Variants in C3orf20 observed in about 807,000 individuals in gnomAD.
C3orf20 encodes the protein family with sequence similarity 149 member C, also known as uncharacterized protein C3orf20.
C3orf20 carries 76 observed loss-of-function variants against 88.3 expected under a neutral mutation model. That is an observed-to-expected ratio of 0.86 (90% CI 0.72 to 1.04). The LOEUF is 1.04. Among genes scored for constraint, C3orf20 ranks in the 50% least tolerant of loss-of-function variants. The pLI, the probability that C3orf20 is intolerant of heterozygous loss-of-function variation, is 0.00. For missense variants in C3orf20, 1,056 were observed against 1,123.3 expected (o/e 0.94, Z 0.86); for synonymous variants, 436 against 437.4 (o/e 1.00, Z 0.04).
intron 15 of C3orf20, chr3:14,766,876 TG>T (rs2035725305): frequency 6.6e-6 from 1 of 151,976 alleles, no homozygotes; most frequent in African/African-American, 2.4e-5. Flanking sequence ...GTCCCCTTCC[TG>T]AGTGTGGCCA....
chr3:14,721,191 T>C (rs1337326817), intron 9 of C3orf20, among the ~76,000 whole-genome samples: 1 of 152,186 alleles, frequency 6.6e-6, no homozygotes, highest in Non-Finnish European at 1.5e-5. Context: ...TTCCCACCCA[T>C]CTGCAGAGGG....
chr3:14,728,811 G>A (rs1016587301), intron 12 of C3orf20, 123 bp downstream of exon 12: 2 of 877,706 alleles, frequency 2.3e-6, no homozygotes, highest in East Asian at 5.3e-5. Context: ...GGCAAGTAAA[G>A]TGAGGAGATA....
In C3orf20 at chr3:14,713,812, A is replaced by C. The variant is rs180936801; in HGVS notation, c.1161-195A>C. ...GTGGTTGTGAGAAAATAGAAGATAC[A>C]GAAAAGCAGCTAGGTCATCGTTGGG... On this transcript the variant is annotated intron_variant, in intron 7 of 16. Coordinates refer to ENST00000253697, the MANE Select transcript of C3orf20 (RefSeq NM_032137.5). 2.0e-5 allele frequency among the ~76,000 whole-genome samples: 3 copies of C among 152,362 alleles called. No homozygotes were observed. The East Asian group carries it at 5.8e-4, about 29-fold the overall frequency.
chr3:14,714,318 G>C (rs1291636270), intron 8 of C3orf20, among the ~76,000 whole-genome samples, 159 bp downstream of exon 8: 1 of 152,044 alleles, frequency 6.6e-6, no homozygotes, highest in East Asian at 1.9e-4. Context: ...GTTTCTGCAG[G>C]GACATAGGAA....
chr3:14,716,658 C>T (rs542187797), intron 9 of C3orf20, among the ~76,000 whole-genome samples: 2 of 152,310 alleles, frequency 1.3e-5, no homozygotes, highest in African/African-American at 4.8e-5. Context: ...CCTTCAAAGC[C>T]CTGCCCAGAC....
intron 12 of C3orf20, among the ~76,000 whole-genome samples, chr3:14,732,051 A>C (rs1306065874): frequency 1.3e-5 from 2 of 152,236 alleles, no homozygotes; most frequent in African/African-American, 4.8e-5. Context: ...TGCATGTTTG[A>C]CTTTGTAAGA....
chr3:14,712,495 A>C (rs2033790802), intron 7 of C3orf20, among the ~76,000 whole-genome samples: 1 of 152,176 alleles, frequency 6.6e-6, no homozygotes, highest in Non-Finnish European at 1.5e-5. Context: ...CAGTTAACAC[A>C]CTAGTTTGAA....
chr3:14,728,815 G>A, intron 12 of C3orf20, 127 bp downstream of exon 12: 3 of 816,924 alleles, frequency 3.7e-6, no homozygotes, highest in Middle Eastern at 3.7e-4. Flanking sequence ...AGTAAAGTGA[G>A]GAGATAAACA....
intron 15 of C3orf20, among the ~76,000 whole-genome samples, chr3:14,771,775 T>C (rs1487745505): frequency 2.0e-5 from 3 of 152,216 alleles, no homozygotes; most frequent in Non-Finnish European, 4.4e-5. Context: ...TCATCTCTCC[T>C]GTGGTCACTT....
intron 12 of C3orf20, among the ~76,000 whole-genome samples, chr3:14,732,528 A>G (rs1256903091): frequency 2.0e-5 from 3 of 152,218 alleles, no homozygotes; most frequent in Non-Finnish European, 4.4e-5. Context: ...ATTTGTTGTC[A>G]TGTCTAAAAA....
At chr3:14,713,876 G>T in intron 7 of C3orf20, 131 bp from the exon 8 acceptor site, 1 of 913,140 alleles carries the variant, frequency 1.1e-6, no homozygotes, top group East Asian at 2.6e-5. Context: ...CAAAATGCAA[G>T]GAGGGTGTTT....
At chr3:14,712,199 C>T (rs2033775087) in intron 7 of C3orf20, among the ~76,000 whole-genome samples, 1 of 151,842 alleles carries the variant, frequency 6.6e-6, no homozygotes, top group African/African-American at 2.4e-5. Context: ...CACACACACA[C>T]ACACACACAC....
chr3:14,758,467 A>G (rs1339725741), intron 13 of C3orf20, among the ~76,000 whole-genome samples: 1 of 152,170 alleles, frequency 6.6e-6, no homozygotes, highest in African/African-American at 2.4e-5. Flanking sequence ...CCAAGCATGC[A>G]GTCATTCCCA....
rs1221118733 is a variant in C3orf20, at chr3:14,714,032, T to C, written c.1186T>C (p.Cys396Arg). The C allele has an allele frequency of 1.2e-6, 2 of 1,614,150 alleles. No individual in the cohort carries two copies. Among genetic ancestry groups the C allele is most frequent in the Non-Finnish European group, 8.5e-7 (1 of 1,180,022 alleles). Residue 396 changes from cysteine (C) to arginine (R), a missense_variant, in exon 8 of 17, where the codon TGT (cysteine) becomes CGT (arginine). Physicochemically the swap from Cys to Arg is radical, Grantham distance 180. Transcript: ENST00000253697. ...VYYPSGNVAV[C>R]QIPTCCRGRT... The stretch of plus-strand genomic sequence containing the variant: ...CTATCCCTCTGGAAACGTCGCTGTA[T>C]GTCAGATCCCCACATGCTGCAGAGG...
chr3:14,706,389 C>A (rs2124942065), intron 7 of C3orf20, among the ~76,000 whole-genome samples: 1 of 152,048 alleles, frequency 6.6e-6, no homozygotes. Context: ...AGGATGATCT[C>A]CCTGAGCTCC....
chr3:14,769,626 C>A (rs559132867), intron 15 of C3orf20, among the ~76,000 whole-genome samples: 1 of 152,212 alleles, frequency 6.6e-6, no homozygotes, highest in South Asian at 2.1e-4. Context: ...TTCTGACAGA[C>A]CCTGAAGCAG....
intron 12 of C3orf20, among the ~76,000 whole-genome samples, chr3:14,744,994 A>C (rs1035862383): frequency 6.6e-6 from 1 of 152,232 alleles, no homozygotes; most frequent in Admixed American, 6.5e-5. Flanking sequence ...CTTAGTTGTG[A>C]AAATGTGCTT....
At chr3:14,684,414 A>C in intron 4 of C3orf20, 32 bp downstream of exon 4, 6 of 1,602,864 alleles carry the variant, frequency 3.7e-6, no homozygotes, top group Non-Finnish European at 5.1e-6. Context: ...CTTAGGTAAG[A>C]AGTGCAAACA....
chr3:14,677,531 G>A (rs769338392), intron 1 of C3orf20, among the ~76,000 whole-genome samples: 4 of 151,650 alleles, frequency 2.6e-5, no homozygotes, highest in Admixed American at 6.6e-5. Context: ...CGGGAGTTTC[G>A]TTCCTGTTGC....
Sources: gnomAD v4.1 joint callset for allele counts (sites outside exome capture counted in the v4.1 genomes callset) on GRCh38, gnomAD v4.1.1 for gene constraint, MANE v1.5 for transcripts, NCBI Gene and HGNC (gene_info 2026-07-23, HGNC 2026-07-21) for gene names.